Variants in ADARB2 observed in about 807,000 individuals in gnomAD.
The protein encoded by ADARB2 is inactive double-stranded RNA-specific editase B2.
A neutral mutation model predicts 62.2 loss-of-function variants in ADARB2; 25 were observed. That is an observed-to-expected ratio of 0.40 (90% CI 0.29 to 0.56). The LOEUF is 0.56. ADARB2 is among the 20% of genes least tolerant of loss of function. The pLI is 0.43. For missense variants in ADARB2, 1,071 were observed against 1,077.4 expected, an observed-to-expected ratio of 0.99 and a Z score of 0.08; for synonymous variants, 572 against 500.8, an observed-to-expected ratio of 1.14 and a Z score of -1.90.
chr10:1,375,806 A>AT (rs1832419404), intron 2 of ADARB2, among the ~76,000 whole-genome samples: 2 of 112,446 alleles, frequency 1.8e-5, no homozygotes, highest in Admixed American at 2.2e-4. Context: ...GCACACACAC[A>AT]CCACACACAT....
intron 1 of ADARB2, among the ~76,000 whole-genome samples, chr10:1,578,753 C>CAT (rs397704433): frequency 6.7e-6 from 1 of 150,170 alleles, no homozygotes; most frequent in Non-Finnish European, 1.5e-5. Context: ...CACACAGGTA[C>CAT]CTATGTTTAT....
intron 7 of ADARB2, among the ~76,000 whole-genome samples, chr10:1,201,306 C>T (rs1836981597): frequency 6.6e-6 from 1 of 152,208 alleles, no homozygotes; most frequent in African/African-American, 2.4e-5. Flanking sequence ...CTACATAAAA[C>T]TCAAATGGAA....
intron 1 of ADARB2, among the ~76,000 whole-genome samples, chr10:1,633,094 C>T (rs1293720372): frequency 6.6e-6 from 1 of 152,238 alleles, no homozygotes; most frequent in Non-Finnish European, 1.5e-5. Flanking sequence ...GCTTTTCCTG[C>T]TTCTCCTCCT....
intron 1 of ADARB2, among the ~76,000 whole-genome samples, chr10:1,680,617 G>C (rs1834524310): frequency 1.3e-5 from 2 of 152,194 alleles, no homozygotes; most frequent in African/African-American, 4.8e-5. Context: ...CATCCACTGA[G>C]GGACTGAAGG....
intron 1 of ADARB2, among the ~76,000 whole-genome samples, chr10:1,467,345 T>C (rs1341748070): frequency 1.3e-5 from 2 of 152,128 alleles, no homozygotes; most frequent in Non-Finnish European, 2.9e-5. Flanking sequence ...CCAAGAAAAA[T>C]TCCAGTTGGG....
Position 1,566,096 on chromosome 10 carries a change from A to G in ADARB2, c.100+170955T>C, listed in dbSNP as rs1455949459. Among the ~76,000 whole-genome samples, 1,406 of 147,010 alleles carry G rather than the reference A, an allele frequency of 9.6e-3. 106 individuals carry two copies. The highest frequency in any genetic ancestry group is 0.029 in the African/African-American group (1,117 of 38,562). On this transcript the variant is annotated intron_variant, in intron 1 of 9. Coordinates refer to ENST00000381312, the MANE Select transcript of ADARB2 (RefSeq NM_018702.4). ...AAAAAAAAAAAAAAAAAAAAAAAAA[A>G]AAAAAAAAAAAAAACTCCCCTGTGT...
chr10:1,588,506 T>C (rs1396285959), intron 1 of ADARB2, among the ~76,000 whole-genome samples: 3 of 152,192 alleles, frequency 2.0e-5, no homozygotes, highest in African/African-American at 7.2e-5. Flanking sequence ...CAGACGGTGC[T>C]GCTGTTGGGA....
intron 1 of ADARB2, among the ~76,000 whole-genome samples, chr10:1,458,131 A>G (rs1831120120): frequency 1.3e-5 from 2 of 152,132 alleles, no homozygotes; most frequent in South Asian, 4.1e-4. Flanking sequence ...AGGCCAAACA[A>G]ACCTCTCTCA....
chr10:1,648,598 G>A (rs1221123683), intron 1 of ADARB2, among the ~76,000 whole-genome samples: 1 of 152,116 alleles, frequency 6.6e-6, no homozygotes. Context: ...ATACGTATAA[G>A]CGATCAAGAG....
At chr10:1,447,616 CAG>C (rs1323217421) in intron 1 of ADARB2, among the ~76,000 whole-genome samples, 5 of 151,916 alleles carry the variant, frequency 3.3e-5, no homozygotes, top group Non-Finnish European at 5.9e-5. Flanking sequence ...GGTACATGTG[CAG>C]GTTTGTTATA....
intron 1 of ADARB2, among the ~76,000 whole-genome samples, chr10:1,725,564 G>A (rs1588368053): frequency 6.6e-6 from 1 of 151,900 alleles, no homozygotes; most frequent in East Asian, 1.9e-4. Context: ...AGCAGGGAAA[G>A]CCCCCCACCA....
intron 6 of ADARB2, among the ~76,000 whole-genome samples, chr10:1,224,881 A>T (rs2131762030): frequency 6.6e-6 from 1 of 152,284 alleles, no homozygotes; most frequent in South Asian, 2.1e-4. Context: ...GCTGAAAAAA[A>T]TGTATATTCT....
intron 3 of ADARB2, among the ~76,000 whole-genome samples, chr10:1,357,446 C>T (rs1334535343): frequency 2.6e-5 from 4 of 151,848 alleles, no homozygotes; most frequent in African/African-American, 9.7e-5. Context: ...ATCTCACCTC[C>T]TTTCTCACTT....
chr10:1,336,942 A>G (rs866229096), intron 3 of ADARB2, among the ~76,000 whole-genome samples: 4 of 152,152 alleles, frequency 2.6e-5, no homozygotes, highest in South Asian at 2.1e-4. Context: ...AACAGAGTAC[A>G]CAGCTCTGCC....
At chr10:1,269,097 C>T (rs1831234941) in intron 4 of ADARB2, among the ~76,000 whole-genome samples, 1 of 152,100 alleles carries the variant, frequency 6.6e-6, no homozygotes, top group Non-Finnish European at 1.5e-5. Flanking sequence ...GCTGGTGCCC[C>T]TCCCCTCCCC....
chr10:1,210,480 C>G (rs1430169497), intron 7 of ADARB2, among the ~76,000 whole-genome samples: 1 of 152,168 alleles, frequency 6.6e-6, no homozygotes, highest in East Asian at 1.9e-4. Context: ...TAGCACATCC[C>G]TAAAATGTAT....
At chr10:1,335,516 T>C (rs915758424) in intron 3 of ADARB2, among the ~76,000 whole-genome samples, 2 of 141,188 alleles carry the variant, frequency 1.4e-5, no homozygotes, top group Non-Finnish European at 3.1e-5. Flanking sequence ...GATGGATGGA[T>C]GGATGGATGG....
chr10:1,381,275 G>A (rs1832480617), intron 1 of ADARB2, among the ~76,000 whole-genome samples: 1 of 152,172 alleles, frequency 6.6e-6, no homozygotes, highest in African/African-American at 2.4e-5. Context: ...TTTCTCCAAG[G>A]AAGATGTACT....
chr10:1,310,189 C>T (rs116509894), intron 3 of ADARB2, among the ~76,000 whole-genome samples: 104 of 152,318 alleles, frequency 6.8e-4, no homozygotes, highest in African/African-American at 2.3e-3. Flanking sequence ...GCTGCTGTCA[C>T]ACTGAGTGAG....
Sources: allele counts gnomAD v4.1 joint callset (sites outside exome capture counted in the v4.1 genomes callset), GRCh38; gene constraint gnomAD v4.1.1; transcripts MANE v1.5; gene names NCBI Gene and HGNC (gene_info 2026-07-23, HGNC 2026-07-21).